The following KLHL18 variants were observed in gnomAD, a reference collection of about 807,000 sequenced individuals.
The protein encoded by KLHL18 is kelch-like protein 18.
A neutral mutation model predicts 58.5 loss-of-function variants in KLHL18; 38 were observed. The observed-to-expected ratio is 0.65, with a 90% CI of 0.50 to 0.85. The LOEUF is 0.85. Among genes scored for constraint, KLHL18 ranks in the 40% least tolerant of loss-of-function variants. The pLI, the probability that KLHL18 is intolerant of heterozygous loss-of-function variation, is 0.00. For synonymous variants in KLHL18, 303 were observed against 301.9 expected (o/e 1.00, Z -0.04); for missense variants, 624 against 778.4 (o/e 0.80, Z 2.36).
Position 47,334,577 on chromosome 3 carries a change from C to T in KLHL18, c.762-106C>T, listed in dbSNP as rs1703941067. The T allele has an allele frequency of 2.2e-6, 3 of 1,355,788 alleles. No homozygotes were observed. The highest frequency in any genetic ancestry group is 3.1e-6 in the Non-Finnish European group (3 of 969,728). The allele number at this position is 1,355,788 out of a possible 1,614,324, so 84.0% of individuals were successfully genotyped here. On this transcript the variant is annotated intron_variant, in intron 5 of 9. Transcript: ENST00000232766. The surrounding 1 kb of genome is among the most constrained non-coding windows in gnomAD (Gnocchi z 4.7). ...CCAGACCTTCCAGAAGGCTTCTCCT[C>T]CCAGGTTTCCCCTGCAGTTGGCAGT...
chr3:47,314,707 T>A (rs1703382399), intron 1 of KLHL18, among the ~76,000 whole-genome samples: 1 of 152,234 alleles, frequency 6.6e-6, no homozygotes, highest in Admixed American at 6.5e-5. Flanking sequence ...ATCCATGTGA[T>A]AGCCCTTCTA....
Position 47,336,766 on chromosome 3 carries a change from G to A in KLHL18, c.1121+9G>A, listed in dbSNP as rs750348906. Reference sequence around the variant, plus strand: ...ATGAATAGCAAGAGAAGGTATTCTGGAAGCCACGTGCAGCCCGAACATACA... The same window carrying A: ...ATGAATAGCAAGAGAAGGTATTCTGAAAGCCACGTGCAGCCCGAACATACA... On this transcript the variant is annotated intron_variant, in intron 7 of 9. Coordinates refer to ENST00000232766, the MANE Select transcript of KLHL18 (RefSeq NM_025010.5). The A allele has an allele frequency of 1.7e-5, 27 of 1,607,620 alleles. No homozygotes were observed. Among genetic ancestry groups the A allele is most frequent in the Non-Finnish European group, 2.1e-5 (25 of 1,174,230 alleles).
At chr3:47,326,303 G>A (rs1297252956) in intron 3 of KLHL18, among the ~76,000 whole-genome samples, 2 of 152,154 alleles carry the variant, frequency 1.3e-5, no homozygotes, top group East Asian at 1.9e-4. Flanking sequence ...CACCAAATGC[G>A]TCAATGAACC....
intron 4 of KLHL18, among the ~76,000 whole-genome samples, chr3:47,330,606 T>G (rs544036394): frequency 6.6e-6 from 1 of 152,130 alleles, no homozygotes; most frequent in Admixed American, 6.5e-5. Flanking sequence ...TACATTTTAG[T>G]GTCTAAATAG....
At chr3:47,312,941 G>T (rs1703336972) in intron 1 of KLHL18, among the ~76,000 whole-genome samples, 1 of 127,200 alleles carries the variant, frequency 7.9e-6, no homozygotes, top group Non-Finnish European at 1.6e-5. Context: ...ATGGAGTCTC[G>T]CTCTGTCGCC....
intron 1 of KLHL18, among the ~76,000 whole-genome samples, chr3:47,297,223 A>G (rs896347260): frequency 6.6e-6 from 1 of 152,158 alleles, no homozygotes; most frequent in Non-Finnish European, 1.5e-5. Context: ...AATGCTATCG[A>G]AAACTGCAGA....
At chr3:47,289,104 A>T (rs1176178007) in intron 1 of KLHL18, among the ~76,000 whole-genome samples, 1 of 152,058 alleles carries the variant, frequency 6.6e-6, no homozygotes, top group Non-Finnish European at 1.5e-5. Context: ...CTCTCCCTTT[A>T]TCTCACACAT....
chr3:47,313,327 C>T (rs1703348981), intron 1 of KLHL18, among the ~76,000 whole-genome samples: 1 of 151,946 alleles, frequency 6.6e-6, no homozygotes, highest in Admixed American at 6.6e-5. Flanking sequence ...AAGCAATCCT[C>T]CTGTGTCAGC....
At position 47,322,606 on chromosome 3, in the gene KLHL18, A is replaced by G. The variant is rs775650274; in HGVS notation, c.299A>G (p.Asn100Ser). ...EALINFAYNGNLAIDQQNVQS... is the reference protein window; with the variant it reads ...EALINFAYNGSLAIDQQNVQS... ...CTGATCAACTTTGCCTACAACGGCAACCTTGCCATTGACCAGCAAAATGTC... is the reference window on the plus strand; with the variant it reads ...CTGATCAACTTTGCCTACAACGGCAGCCTTGCCATTGACCAGCAAAATGTC... Residue 100 changes from asparagine to serine, a missense_variant, in exon 3 of 10, where the codon AAC becomes AGC. Transcript: ENST00000232766. 1.6e-5 allele frequency: 25 copies of G among 1,606,908 alleles called. No homozygotes were observed. In the East Asian group the frequency reaches 3.4e-4, roughly 22 times the overall value.
chr3:47,313,769 A>G (rs1440089992), intron 1 of KLHL18, among the ~76,000 whole-genome samples: 2 of 152,128 alleles, frequency 1.3e-5, no homozygotes, highest in African/African-American at 2.4e-5. Flanking sequence ...AAGGTATGCT[A>G]TTTATTAGGT....
At chr3:47,296,762 C>T (rs143418610) in intron 1 of KLHL18, among the ~76,000 whole-genome samples, 191 of 152,260 alleles carry the variant, frequency 1.3e-3, no homozygotes, top group African/African-American at 4.0e-3. Flanking sequence ...CATGAAAGTA[C>T]ACCTACAGTG....
Position 47,343,541 on chromosome 3 carries a change from T to C in KLHL18, c.1339-14T>C, listed in dbSNP as rs1431936139. On this transcript the variant is annotated splice_polypyrimidine_tract_variant and intron_variant, in intron 9 of 9. Coordinates refer to ENST00000232766, the MANE Select transcript of KLHL18 (RefSeq NM_025010.5). ...TCTGACTGTCCTGTACCTGTGCCTC[T>C]CTCCCCACTGCAGGTGGAACACTAC... 5.6e-6 allele frequency: 9 copies of C among 1,612,470 alleles called. No homozygotes were observed. The highest frequency in any genetic ancestry group is 2.0e-4 in the Middle Eastern group (1 of 4,972).
chr3:47,313,188 CGT>C (rs1338798424), intron 1 of KLHL18, among the ~76,000 whole-genome samples: 1 of 149,444 alleles, frequency 6.7e-6, no homozygotes, highest in Non-Finnish European at 1.5e-5. Context: ...GGATTACAGG[CGT>C]GAGCCACCGT....
At chr3:47,335,804 G>A (rs1703971546) in intron 6 of KLHL18, among the ~76,000 whole-genome samples, 1 of 152,092 alleles carries the variant, frequency 6.6e-6, no homozygotes, top group Admixed American at 6.5e-5. Context: ...CACCGCACCT[G>A]GCCCAGTTTT....
chr3:47,340,538 G>A lies in KLHL18; in HGVS notation c.1122-34G>A, dbSNP rs146114265. The A allele has an allele frequency of 5.6e-5, 90 of 1,613,370 alleles. No individual in the cohort carries two copies. In the African/African-American group the frequency reaches 6.8e-4, roughly 12 times the overall value. ...AGAGAGGCTGCTCCAGGAAGGCTGC[G>A]GCTCATCTGGGATGACAGCTCTGTC... is the stretch of plus-strand genomic sequence containing the variant. On this transcript the variant is annotated intron_variant, in intron 7 of 9. Transcript: ENST00000232766.
At chr3:47,296,593 A>G (rs1249419738) in intron 1 of KLHL18, among the ~76,000 whole-genome samples, 1 of 152,242 alleles carries the variant, frequency 6.6e-6, no homozygotes, top group Middle Eastern at 3.2e-3. Flanking sequence ...CTAAGGGAAC[A>G]TCAAAGGAGT....
At chr3:47,299,972 T>C (rs532622292) in intron 1 of KLHL18, among the ~76,000 whole-genome samples, 1 of 152,006 alleles carries the variant, frequency 6.6e-6, no homozygotes, top group Admixed American at 6.6e-5. Flanking sequence ...AGCCACACTG[T>C]ATATTTTGGA....
At chr3:47,321,873 C>A (rs1368946531) in intron 2 of KLHL18, among the ~76,000 whole-genome samples, 1 of 152,028 alleles carries the variant, frequency 6.6e-6, no homozygotes, top group East Asian at 1.9e-4. Flanking sequence ...GAAGAGCCCT[C>A]CAAACAGGGA....
Position 47,330,009 on chromosome 3 carries a change from G to T in KLHL18, c.460G>T (p.Val154Leu). ...GTTTGCTGAGACAATGATGTGTGCTGTGCTGTACGACGCTGCCAACAGCTT... is the reference window on the plus strand; with the variant it reads ...GTTTGCTGAGACAATGATGTGTGCTTTGCTGTACGACGCTGCCAACAGCTT... ...RQFAETMMCA[V>L]LYDAANSFIH... Residue 154 changes from valine (V) to leucine (L), a missense_variant, in exon 4 of 10, where the codon GTG (valine) becomes TTG (leucine). By Grantham distance (32) the Val-to-Leu change is conservative (BLOSUM62 1). Coordinates refer to ENST00000232766, the MANE Select transcript of KLHL18 (RefSeq NM_025010.5). 6.2e-7 allele frequency: 1 copy of T among 1,614,044 alleles called. No homozygotes were observed. Among genetic ancestry groups the T allele is most frequent in the Non-Finnish European group, 8.5e-7 (1 of 1,180,024 alleles).
Sources: gnomAD v4.1 joint callset for allele counts (sites outside exome capture counted in the v4.1 genomes callset) on GRCh38, gnomAD v4.1.1 for gene constraint, Gnocchi (gnomAD v3.1) non-coding constraint, MANE v1.5 for transcripts, NCBI Gene and HGNC (gene_info 2026-07-23, HGNC 2026-07-21) for gene names.